The following FBXL7 variants were observed in gnomAD, a reference collection of about 807,000 sequenced individuals.
FBXL7 encodes F-box/LRR-repeat protein 7.
A neutral mutation model predicts 38.3 loss-of-function variants in FBXL7; 12 were observed. The observed-to-expected ratio is 0.31, with a 90% CI of 0.20 to 0.51. The LOEUF (loss-of-function observed/expected upper bound fraction) is 0.51. Among genes scored for constraint, FBXL7 ranks in the 20% least tolerant of loss-of-function variants. FBXL7 has a pLI of 0.98. For synonymous variants in FBXL7, 297 were observed against 300.9 expected (o/e 0.99, Z 0.13); for missense variants, 567 against 676.4 (o/e 0.84, Z 1.79).
At chr5:15,707,309 G>C (rs1214898587) in intron 2 of FBXL7, among the ~76,000 whole-genome samples, 1 of 149,118 alleles carries the variant, frequency 6.7e-6, no homozygotes, top group Non-Finnish European at 1.5e-5. Context: ...AGTGTTTCTA[G>C]ACTACACATA....
chr5:15,752,530 C>G (rs1044467702), intron 2 of FBXL7, among the ~76,000 whole-genome samples: 3 of 151,992 alleles, frequency 2.0e-5, no homozygotes, highest in Admixed American at 6.6e-5. Flanking sequence ...ATTTTTATCC[C>G]AAGCCATTGG....
chr5:15,781,137 A>G (rs1044418901), intron 2 of FBXL7, among the ~76,000 whole-genome samples: 11 of 152,204 alleles, frequency 7.2e-5, no homozygotes, highest in Non-Finnish European at 1.0e-4. Flanking sequence ...AGAGGACATG[A>G]GGATGGATTT....
At chr5:15,674,242 A>G (rs1742579289) in intron 2 of FBXL7, among the ~76,000 whole-genome samples, 1 of 152,244 alleles carries the variant, frequency 6.6e-6, no homozygotes, top group South Asian at 2.1e-4. Flanking sequence ...TGTTAATGTT[A>G]TCACAATATC....
At chr5:15,903,159 C>G (rs1325226002) in intron 2 of FBXL7, among the ~76,000 whole-genome samples, 2 of 152,190 alleles carry the variant, frequency 1.3e-5, no homozygotes, top group African/African-American at 2.4e-5. Flanking sequence ...ATTTCAGGAG[C>G]AATCGAGTAG....
intron 2 of FBXL7, among the ~76,000 whole-genome samples, chr5:15,904,060 A>G (rs1441991047): frequency 6.6e-6 from 1 of 152,204 alleles, no homozygotes; most frequent in Non-Finnish European, 1.5e-5. Context: ...ATTTTGAGGC[A>G]TAAGATAAGA....
At chr5:15,868,577 A>AT (rs1238865738) in intron 2 of FBXL7, among the ~76,000 whole-genome samples, 3 of 152,184 alleles carry the variant, frequency 2.0e-5, no homozygotes, top group African/African-American at 7.2e-5. Flanking sequence ...AGAATCCAGA[A>AT]CCTGTCGCTT....
intron 2 of FBXL7, among the ~76,000 whole-genome samples, chr5:15,914,315 G>A (rs1338611712): frequency 6.6e-6 from 1 of 150,818 alleles, no homozygotes; most frequent in African/African-American, 2.4e-5. Context: ...GAACCTGGGA[G>A]GCAGAGCTTG....
At chr5:15,912,449 G>A (rs1190975073) in intron 2 of FBXL7, among the ~76,000 whole-genome samples, 3 of 146,912 alleles carry the variant, frequency 2.0e-5, no homozygotes, top group African/African-American at 5.2e-5. Flanking sequence ...AGATGAACCC[G>A]GTACCTCAGA....
At chr5:15,794,942 AACT>A (rs772133042) in intron 2 of FBXL7, among the ~76,000 whole-genome samples, 2 of 152,180 alleles carry the variant, frequency 1.3e-5, no homozygotes, top group Non-Finnish European at 2.9e-5. Flanking sequence ...AATACTTTTC[AACT>A]GTTTTGTTTT....
intron 2 of FBXL7, among the ~76,000 whole-genome samples, chr5:15,916,885 T>G (rs1741597366): frequency 6.6e-6 from 1 of 152,206 alleles, no homozygotes; most frequent in South Asian, 2.1e-4. Flanking sequence ...TCTAAAAACA[T>G]TGCCCTATAG....
intron 2 of FBXL7, among the ~76,000 whole-genome samples, chr5:15,782,447 G>T (rs1737021996): frequency 6.6e-6 from 1 of 152,160 alleles, no homozygotes; most frequent in Non-Finnish European, 1.5e-5. Context: ...CCCACCAACA[G>T]TGTAAAATTG....
At chr5:15,525,043 G>T (rs1441655103) in intron 1 of FBXL7, among the ~76,000 whole-genome samples, 2 of 152,176 alleles carry the variant, frequency 1.3e-5, no homozygotes, top group African/African-American at 2.4e-5. Context: ...TCCTGGCTTT[G>T]TCACTTATGA....
At chr5:15,510,845 A>C (rs1736777089) in intron 1 of FBXL7, among the ~76,000 whole-genome samples, 1 of 152,202 alleles carries the variant, frequency 6.6e-6, no homozygotes, top group Admixed American at 6.5e-5. Context: ...TAAGTCATTC[A>C]TGTAATGCTA....
chr5:15,625,358 A>C (rs148905460), intron 2 of FBXL7, among the ~76,000 whole-genome samples: 1 of 152,318 alleles, frequency 6.6e-6, no homozygotes, highest in African/African-American at 2.4e-5. Context: ...CCCTTTAAAA[A>C]AAACTGAGCC....
At chr5:15,821,062 A>C (rs1738156355) in intron 2 of FBXL7, among the ~76,000 whole-genome samples, 1 of 152,072 alleles carries the variant, frequency 6.6e-6, no homozygotes, top group Non-Finnish European at 1.5e-5. Flanking sequence ...CGCTTATTCA[A>C]CTTTGCTCCC....
At chr5:15,518,368 A>C (rs893270134) in intron 1 of FBXL7, among the ~76,000 whole-genome samples, 1 of 152,084 alleles carries the variant, frequency 6.6e-6, no homozygotes, top group East Asian at 1.9e-4. Flanking sequence ...CCTGCCACTT[A>C]TTTTTATTAT....
chr5:15,934,274 G>A (rs1168652131), intron 3 of FBXL7, among the ~76,000 whole-genome samples: 1 of 152,114 alleles, frequency 6.6e-6, no homozygotes, highest in Non-Finnish European at 1.5e-5. Context: ...CAAAGTGCTG[G>A]GATTGCAGGC....
At chr5:15,574,858 T>G (rs1738903772) in intron 1 of FBXL7, among the ~76,000 whole-genome samples, 1 of 152,188 alleles carries the variant, frequency 6.6e-6, no homozygotes, top group Admixed American at 6.6e-5. Context: ...AAAAATGAAA[T>G]TGATCTATTG....
At chr5:15,535,819 C>T (rs902088428) in intron 1 of FBXL7, among the ~76,000 whole-genome samples, 5 of 152,316 alleles carry the variant, frequency 3.3e-5, no homozygotes, top group South Asian at 4.1e-4. Context: ...AAATTCAAGC[C>T]AGCCGCAGAA....
Sources: allele counts gnomAD v4.1 joint callset (sites outside exome capture counted in the v4.1 genomes callset), GRCh38; gene constraint gnomAD v4.1.1; transcripts MANE v1.5; gene names NCBI Gene and HGNC (gene_info 2026-07-23, HGNC 2026-07-21).